Variants in ARHGEF28 observed in about 807,000 individuals in gnomAD.
The protein encoded by ARHGEF28 is 190 kDa guanine nucleotide exchange factor.
In ARHGEF28, 152 loss-of-function variants were observed where a neutral mutation model predicts 206.6. The ratio of observed to expected loss-of-function variants is 0.74; its 90% CI spans 0.64 to 0.84. The LOEUF is 0.84. Among genes scored for constraint, ARHGEF28 ranks in the 40% least tolerant of loss-of-function variants. The probability of loss-of-function intolerance (pLI) is 0.00; values close to 1 mark genes in which losing one functional copy is unlikely to be tolerated. For synonymous variants in ARHGEF28, 763 were observed against 776.4 expected (o/e 0.98, Z 0.29); for missense variants, 2,028 against 2,073.2 (o/e 0.98, Z 0.42).
At chr5:73,772,642 G>T (rs1285678096) in intron 4 of ARHGEF28, among the ~76,000 whole-genome samples, 2 of 152,186 alleles carry the variant, frequency 1.3e-5, no homozygotes, top group Non-Finnish European at 2.9e-5. Context: ...GCCTCCCAAA[G>T]TGCTGGGATT....
rs549770816 is a variant in ARHGEF28, at chr5:73,818,062, G to T, written c.1025-14276G>T. Among the ~76,000 whole-genome samples, 9 of 152,272 alleles carry T rather than the reference G, an allele frequency of 5.9e-5. No individual in the cohort carries two copies. The South Asian group carries it at 1.9e-3, about 32-fold the overall frequency. On this transcript the variant is annotated intron_variant, in intron 9 of 35. Transcript: ENST00000513042. ...TGCACAGACATCTGGAGCACAGGGT[G>T]GTTGGCTTAGGAGAGGAAGACAGAG...
rs182318117 is a variant in ARHGEF28, at chr5:73,635,079, C to T, written c.-12+8757C>T. On this transcript the variant is annotated intron_variant, in intron 1 of 35. Transcript: ENST00000513042. Reference sequence around the variant, plus strand: ...CATTCATGGGCCGGGTGCAGTGGCTCACGCTTGTAATCCCAGCACTTTGGG... The same window carrying T: ...CATTCATGGGCCGGGTGCAGTGGCTTACGCTTGTAATCCCAGCACTTTGGG... Among the ~76,000 whole-genome samples the T allele has an allele frequency of 3.3e-3, 507 of 152,264 alleles. 3 individuals carry two copies. Among genetic ancestry groups the T allele is most frequent in the African/African-American group, 0.011 (474 of 41,536 alleles).
intron 1 of ARHGEF28, among the ~76,000 whole-genome samples, chr5:73,662,716 AT>A (rs1745690910): frequency 6.6e-6 from 1 of 152,116 alleles, no homozygotes; most frequent in South Asian, 2.1e-4. Flanking sequence ...AGTATTCAGG[AT>A]TTTATCTGGT....
chr5:73,684,932 C>T, intron 2 of ARHGEF28, 48 bp downstream of exon 2: 1 of 1,593,094 alleles, frequency 6.3e-7, no homozygotes, highest in Non-Finnish European at 8.6e-7. Flanking sequence ...CCTTTCTTAA[C>T]TCCAAACCAT....
chr5:73,869,905 C>A (rs1323437868), intron 20 of ARHGEF28, among the ~76,000 whole-genome samples, 164 bp from the exon 21 acceptor site: 4 of 149,294 alleles, frequency 2.7e-5, no homozygotes, highest in Admixed American at 6.7e-5. Flanking sequence ...GAAACTGTCT[C>A]AAAAAAAAAC....
chr5:73,892,074 C>A lies in ARHGEF28; in HGVS notation c.3410C>A (p.Ser1137Tyr), dbSNP rs150331250. ...TAGGATCAGAAGCCATCAGTTATTT[C>A]CCTTCAAAAGCTTATTGCTAGAGAA... is the stretch of plus-strand genomic sequence containing the variant. ...AAVDQKPSVISLQKLIAREVA... is the reference protein window; with the variant it reads ...AAVDQKPSVIYLQKLIAREVA... Residue 1137 changes from serine (S) to tyrosine (Y), a missense_variant, in exon 27 of 36, where the codon TCC (serine) becomes TAC (tyrosine). Transcript: ENST00000513042. 13 of 1,602,180 alleles carry A rather than the reference C, an allele frequency of 8.1e-6. No homozygotes were observed. The highest frequency in any genetic ancestry group is 2.7e-5 in the African/African-American group (2 of 74,950).
chr5:73,729,820 G>A (rs146816656), intron 2 of ARHGEF28, among the ~76,000 whole-genome samples: 283 of 152,198 alleles, frequency 1.9e-3, no homozygotes, highest in African/African-American at 6.5e-3. Flanking sequence ...TCTTTTTGGC[G>A]CCTTTAAATA....
chr5:73,687,947 A>G (rs1322420983), intron 2 of ARHGEF28, among the ~76,000 whole-genome samples: 9 of 152,090 alleles, frequency 5.9e-5, no homozygotes, highest in Non-Finnish European at 7.4e-5. Context: ...GATTTATTCA[A>G]TCTCTTAATT....
chr5:73,783,586 G>A (rs1291964096), intron 7 of ARHGEF28, among the ~76,000 whole-genome samples: 1 of 152,144 alleles, frequency 6.6e-6, no homozygotes, highest in Non-Finnish European at 1.5e-5. Flanking sequence ...CCATGGGGCT[G>A]CTGAAAGCAA....
At chr5:73,838,764 A>G (rs1434469094) in intron 10 of ARHGEF28, among the ~76,000 whole-genome samples, 1 of 152,194 alleles carries the variant, frequency 6.6e-6, no homozygotes, top group Non-Finnish European at 1.5e-5. Context: ...AAAAACATGG[A>G]TAGTTTCTTA....
chr5:73,844,037 T>G lies in ARHGEF28; in HGVS notation c.1428-2231T>G, dbSNP rs530632555. Reference sequence around the variant, plus strand: ...CTAATGAATTGATTTCTTATCCCACTACTGGGAATTAGAAAAATAATATCG... The same window carrying G: ...CTAATGAATTGATTTCTTATCCCACGACTGGGAATTAGAAAAATAATATCG... On this transcript the variant is annotated intron_variant, in intron 11 of 35. Transcript: ENST00000513042. Among the ~76,000 whole-genome samples, 19 of 152,214 alleles carry G rather than the reference T, an allele frequency of 1.2e-4. No individual in the cohort carries two copies. The South Asian group carries it at 3.3e-3, about 27-fold the overall frequency.
intron 2 of ARHGEF28, 89 bp downstream of exon 2, chr5:73,684,973 G>T: frequency 7.1e-7 from 1 of 1,401,144 alleles, no homozygotes; most frequent in Admixed American, 1.9e-5. Context: ...TGTTTTTCTT[G>T]CTATTGAGTT....
At chr5:73,866,110 C>A in intron 18 of ARHGEF28, 97 bp downstream of exon 18, 1 of 1,063,616 alleles carries the variant, frequency 9.4e-7, no homozygotes, top group Non-Finnish European at 1.3e-6. Flanking sequence ...TCTCATTTAT[C>A]CAGTTATTTC....
At chr5:73,683,368 CT>C (rs1428223622) in intron 1 of ARHGEF28, among the ~76,000 whole-genome samples, 9 of 152,110 alleles carry the variant, frequency 5.9e-5, no homozygotes, top group African/African-American at 2.2e-4. Flanking sequence ...TGTCCCACCC[CT>C]GGCAACTACC....
chr5:73,689,413 G>A (rs1747677812), intron 2 of ARHGEF28, among the ~76,000 whole-genome samples: 1 of 152,110 alleles, frequency 6.6e-6, no homozygotes, highest in Admixed American at 6.6e-5. Flanking sequence ...CATGATCTTA[G>A]CTCACTGCAC....
intron 24 of ARHGEF28, among the ~76,000 whole-genome samples, chr5:73,884,959 A>G (rs982278000): frequency 6.6e-6 from 1 of 152,204 alleles, no homozygotes; most frequent in East Asian, 1.9e-4. Flanking sequence ...TTCTTTTCCC[A>G]TCAGAAGAAG....
At chr5:73,904,654 A>G (rs1762452382) in intron 33 of ARHGEF28, 2 of 495,776 alleles carry the variant, frequency 4.0e-6, no homozygotes, top group East Asian at 6.5e-5. Context: ...ATATTGATGA[A>G]TATGATCTGG....
intron 2 of ARHGEF28, among the ~76,000 whole-genome samples, chr5:73,695,575 T>G (rs924077248): frequency 6.6e-6 from 1 of 152,174 alleles, no homozygotes; most frequent in African/African-American, 2.4e-5. Flanking sequence ...TCTAAGCAAC[T>G]CCTCTTTCCA....
chr5:73,846,003 A>G (rs1486718980), intron 11 of ARHGEF28, among the ~76,000 whole-genome samples: 2 of 151,182 alleles, frequency 1.3e-5, no homozygotes, highest in Non-Finnish European at 3.0e-5. Context: ...AAAAAAAAAA[A>G]AAAAAAAGAA....
Sources: allele counts gnomAD v4.1 joint callset (sites outside exome capture counted in the v4.1 genomes callset), GRCh38; gene constraint gnomAD v4.1.1; transcripts MANE v1.5; gene names NCBI Gene and HGNC (gene_info 2026-07-23, HGNC 2026-07-21).